The following ZNF407 variants were observed in gnomAD, a reference collection of about 807,000 sequenced individuals.
ZNF407 encodes the protein zinc finger protein 407.
Under a neutral mutation model 131.2 loss-of-function variants are expected in ZNF407, and 17 were observed. That is an observed-to-expected ratio of 0.13 (90% CI 0.09 to 0.19). The LOEUF (loss-of-function observed/expected upper bound fraction) is 0.19, where lower values mean the gene tolerates loss of function less well. Among genes scored for constraint, ZNF407 ranks in the 10% least tolerant of loss-of-function variants. The pLI is 1.00. For missense variants in ZNF407, 2,681 were observed against 2,830.6 expected, an observed-to-expected ratio of 0.95 and a Z score of 1.20; for synonymous variants, 1,156 against 1,062.0, an observed-to-expected ratio of 1.09 and a Z score of -1.72.
At chr18:74,895,297 G>A (rs17055849) in intron 7 of ZNF407, among the ~76,000 whole-genome samples, 18,528 of 151,324 alleles carry the variant, frequency 0.12, 1,243 homozygotes, top group Middle Eastern at 0.23. Flanking sequence ...TCAACTAGAA[G>A]TGTGCTTACA....
At chr18:74,901,684 T>TACA (rs143891907) in intron 7 of ZNF407, among the ~76,000 whole-genome samples, 68 of 6,168 alleles carry the variant, frequency 0.011, 1 homozygote, top group Admixed American at 0.019. Context: ...TATTTTTAAT[T>TACA]GCTTCCTTCC....
At chr18:74,787,104 G>A (rs1440444291) in intron 4 of ZNF407, among the ~76,000 whole-genome samples, 1 of 152,054 alleles carries the variant, frequency 6.6e-6, no homozygotes, top group East Asian at 1.9e-4. Context: ...ACCATGCCCA[G>A]CTGTAAAAGT....
chr18:74,922,212 G>A (rs1217679153), intron 8 of ZNF407, among the ~76,000 whole-genome samples: 2 of 152,180 alleles, frequency 1.3e-5, no homozygotes. Flanking sequence ...GTGCCTATGG[G>A]TTCTTCATAA....
intron 3 of ZNF407, among the ~76,000 whole-genome samples, chr18:74,760,077 G>C (rs941093325): frequency 2.0e-5 from 3 of 151,872 alleles, no homozygotes; most frequent in African/African-American, 7.3e-5. Context: ...TTCCTCCTCA[G>C]AGTTTACTTT....
chr18:74,672,887 G>C (rs1287536022), intron 3 of ZNF407, among the ~76,000 whole-genome samples: 2 of 152,024 alleles, frequency 1.3e-5, no homozygotes, highest in Non-Finnish European at 2.9e-5. Context: ...TATGTTCTTC[G>C]ATCAAGCCTC....
In ZNF407 at chr18:74,623,308, G is replaced by A. The variant is rs138279595; in HGVS notation, c.-53-7659G>A. On this transcript the variant is annotated intron_variant, in intron 1 of 8. Transcript: ENST00000299687. The stretch of plus-strand genomic sequence containing the variant: ...CGTGTTTGAGTGCAAGTGTGAGTGC[G>A]TGAGGGTAAGTGCATGTGTGAAACT... Among the ~76,000 whole-genome samples, 63 of 142,436 alleles carry A rather than the reference G, an allele frequency of 4.4e-4. No homozygotes were observed. In the East Asian group the frequency reaches 6.0e-3, roughly 14 times the overall value. The allele number at this position is 142,436 out of a possible 152,430, so 93.4% of individuals were successfully genotyped here. A position where few individuals can be genotyped will look rare whatever the true frequency, so the allele number is the denominator to read the frequency against.
chr18:74,914,863 A>G (rs2145229756), intron 7 of ZNF407, among the ~76,000 whole-genome samples: 1 of 152,300 alleles, frequency 6.6e-6, no homozygotes, highest in South Asian at 2.1e-4. Context: ...ATCCCCAGGG[A>G]AACTGCTCAG....
intron 1 of ZNF407, among the ~76,000 whole-genome samples, chr18:74,621,924 C>A (rs1261392710): frequency 6.6e-6 from 1 of 151,950 alleles, no homozygotes; most frequent in Admixed American, 6.5e-5. Flanking sequence ...TGCTAGTCCT[C>A]TTGTGAGGAA....
At chr18:74,884,541 A>AT (rs1971282086) in intron 6 of ZNF407, among the ~76,000 whole-genome samples, 1 of 152,144 alleles carries the variant, frequency 6.6e-6, no homozygotes, top group Non-Finnish European at 1.5e-5. Flanking sequence ...GTGGCATTAT[A>AT]TTTTTCCCTG....
At chr18:74,906,836 C>T (rs1568264148) in intron 7 of ZNF407, among the ~76,000 whole-genome samples, 1 of 151,700 alleles carries the variant, frequency 6.6e-6, no homozygotes, top group East Asian at 1.9e-4. Context: ...CATGCACACA[C>T]TGTGTATATG....
intron 1 of ZNF407, among the ~76,000 whole-genome samples, chr18:74,609,090 A>G (rs140200062): frequency 2.8e-4 from 42 of 152,338 alleles, no homozygotes; most frequent in Admixed American, 7.8e-4. Flanking sequence ...AGAACCAAAC[A>G]TAGCAGGGGA....
intron 8 of ZNF407, among the ~76,000 whole-genome samples, chr18:74,986,111 G>A (rs1054657821): frequency 1.4e-4 from 22 of 152,116 alleles, no homozygotes; most frequent in African/African-American, 4.3e-4. Flanking sequence ...GGCACTCATT[G>A]TATGCAGACA....
intron 8 of ZNF407, chr18:75,062,829 G>T: frequency 4.3e-6 from 1 of 229,918 alleles, no homozygotes; most frequent in East Asian, 8.7e-5. Flanking sequence ...GATGGTGGTT[G>T]GGGGGAGGTA....
At chr18:74,717,881 A>T (rs7234690) in intron 3 of ZNF407, among the ~76,000 whole-genome samples, 117,817 of 152,132 alleles carry the variant, frequency 0.77, 45,930 homozygotes, top group East Asian at 0.89. Flanking sequence ...TGATAAAAAA[A>T]TTTCAGATTT....
chr18:74,988,395 A>G lies in ZNF407; in HGVS notation c.5428+67703A>G, dbSNP rs550978025. 2.2e-3 allele frequency among the ~76,000 whole-genome samples: 332 copies of G among 152,138 alleles called. 2 individuals carry two copies. The highest frequency in any genetic ancestry group is 7.2e-3 in the African/African-American group (301 of 41,552). On this transcript the variant is annotated intron_variant, in intron 8 of 8. Transcript: ENST00000299687. The stretch of plus-strand genomic sequence containing the variant: ...AAAGCACAAATGGTGAAAGAAAAAG[A>G]ACTGATAAATTGAACCATCAAAGTT...
intron 4 of ZNF407, among the ~76,000 whole-genome samples, chr18:74,835,076 G>T (rs1970536774): frequency 6.6e-6 from 1 of 152,186 alleles, no homozygotes. Flanking sequence ...CCCTAGGAAA[G>T]CTGTCATTCC....
intron 4 of ZNF407, among the ~76,000 whole-genome samples, chr18:74,829,376 T>G (rs1326005764): frequency 3.3e-5 from 5 of 152,210 alleles, no homozygotes; most frequent in African/African-American, 9.7e-5. Flanking sequence ...CCGCCCATTT[T>G]AATTTTTCTT....
intron 3 of ZNF407, among the ~76,000 whole-genome samples, chr18:74,767,545 G>A (rs1255276693): frequency 1.3e-5 from 2 of 151,202 alleles, no homozygotes; most frequent in Non-Finnish European, 2.9e-5. Flanking sequence ...TCTAATATAT[G>A]TAAACCTCAA....
At chr18:74,913,287 T>C (rs1355487238) in intron 7 of ZNF407, among the ~76,000 whole-genome samples, 1 of 152,196 alleles carries the variant, frequency 6.6e-6, no homozygotes, top group Non-Finnish European at 1.5e-5. Context: ...TACTAGCAAA[T>C]GATTGGAAAC....
Sources: allele counts gnomAD v4.1 joint callset (sites outside exome capture counted in the v4.1 genomes callset), GRCh38; gene constraint gnomAD v4.1.1; transcripts MANE v1.5; gene names NCBI Gene and HGNC (gene_info 2026-07-23, HGNC 2026-07-21).